UBE2D2: variants seen among roughly 807,000 people sequenced by gnomAD.
The protein encoded by UBE2D2 is ubiquitin-conjugating enzyme E2 D2.
In UBE2D2, 2 loss-of-function variants were observed where a neutral mutation model predicts 24.2. The ratio of observed to expected loss-of-function variants is 0.08; its 90% confidence interval spans 0.03 to 0.26. The LOEUF (loss-of-function observed/expected upper bound fraction) is 0.26, where lower values mean the gene tolerates loss of function less well. UBE2D2 is among the 10% of genes least tolerant of loss of function. The pLI, the probability that UBE2D2 is intolerant of heterozygous loss-of-function variation, is 1.00. For missense variants in UBE2D2, 44 were observed against 177.6 expected (o/e 0.25, Z 4.28); for synonymous variants, 58 against 56.5 (o/e 1.03, Z -0.12).
intron 1 of UBE2D2, among the ~76,000 whole-genome samples, chr5:139,592,951 G>A (rs1753874159): frequency 8.0e-6 from 1 of 124,508 alleles, no homozygotes; most frequent in Non-Finnish European, 1.6e-5. Flanking sequence ...AAGAGGTTCA[G>A]CTTAATTTCC....
chr5:139,530,219 C>A (rs1356773039), intron 1 of UBE2D2, among the ~76,000 whole-genome samples: 3 of 152,146 alleles, frequency 2.0e-5, no homozygotes, highest in Non-Finnish European at 4.4e-5. Flanking sequence ...CCCAGAATTC[C>A]ACCAGGACTG....
At chr5:139,599,875 C>G (rs1263279744) in intron 1 of UBE2D2, among the ~76,000 whole-genome samples, 1 of 152,002 alleles carries the variant, frequency 6.6e-6, no homozygotes, top group East Asian at 1.9e-4. Flanking sequence ...GCAATCTTGG[C>G]TTACTGCAAC....
chr5:139,542,216 G>T (rs974260445), intron 1 of UBE2D2, among the ~76,000 whole-genome samples: 1 of 152,098 alleles, frequency 6.6e-6, no homozygotes, highest in Admixed American at 6.6e-5. Flanking sequence ...GTGAATTCAC[G>T]AGTACCATTT....
At chr5:139,556,530 CAA>C (rs1172019147), upstream of UBE2D2, among the ~76,000 whole-genome samples, 1 of 151,746 alleles carries the variant, frequency 6.6e-6, no homozygotes, top group East Asian at 1.9e-4. Context: ...CAAATAAGGA[CAA>C]AATTTTGTTC....
intron 1 of UBE2D2, among the ~76,000 whole-genome samples, chr5:139,579,578 C>G (rs1336047890): frequency 6.6e-6 from 1 of 152,146 alleles, no homozygotes; most frequent in African/African-American, 2.4e-5. Context: ...GCATGAACAA[C>G]TGTGTCCAGC....
At chr5:139,615,227 G>A (rs1283584629) in intron 5 of UBE2D2, among the ~76,000 whole-genome samples, 1 of 152,200 alleles carries the variant, frequency 6.6e-6, no homozygotes, top group Admixed American at 6.5e-5. Flanking sequence ...GCTCATGCCT[G>A]TAATCTCAGC....
intron 1 of UBE2D2, among the ~76,000 whole-genome samples, chr5:139,571,400 C>T (rs1291603124): frequency 6.7e-6 from 1 of 149,122 alleles, no homozygotes; most frequent in Non-Finnish European, 1.5e-5. Flanking sequence ...GAGCAAGACT[C>T]CCTCTCAAAA....
At chr5:139,550,554 C>T (rs747438418) in intron 1 of UBE2D2, among the ~76,000 whole-genome samples, 4 of 152,124 alleles carry the variant, frequency 2.6e-5, no homozygotes, top group South Asian at 2.1e-4. Flanking sequence ...GGCTCAGGTT[C>T]TCTTCCACGC....
chr5:139,620,393 A>C (rs537569224), intron 5 of UBE2D2, among the ~76,000 whole-genome samples: 1 of 152,242 alleles, frequency 6.6e-6, no homozygotes, highest in Non-Finnish European at 1.5e-5. Flanking sequence ...TTAGAAGAAT[A>C]AGTTAAAGGA....
At position 139,534,257 on chromosome 5, in the gene UBE2D2, A is replaced by C. The variant is rs1244435938; in HGVS notation, c.-64+7645A>C. On this transcript the variant is annotated intron_variant, in intron 1 of 6. Coordinates refer to the UBE2D2 transcript ENST00000511725. Reference sequence around the variant, plus strand: ...AGACCAGCCTGACCAACATGGAGAAAACCGGTCTCTACTAAAAATGCAAAA... The same window carrying C: ...AGACCAGCCTGACCAACATGGAGAACACCGGTCTCTACTAAAAATGCAAAA... 3.3e-5 allele frequency among the ~76,000 whole-genome samples: 5 copies of C among 151,124 alleles called. No individual in the cohort carries two copies. In the East Asian group the frequency reaches 9.9e-4, roughly 30 times the overall value.
intron 1 of UBE2D2, among the ~76,000 whole-genome samples, chr5:139,569,432 T>G (rs904232926): frequency 2.0e-5 from 3 of 152,170 alleles, no homozygotes; most frequent in Non-Finnish European, 4.4e-5. Flanking sequence ...TTCTGTATAT[T>G]TCTCTTAAAA....
intron 1 of UBE2D2, among the ~76,000 whole-genome samples, chr5:139,536,306 T>A (rs969574575): frequency 2.0e-5 from 3 of 151,242 alleles, no homozygotes; most frequent in Non-Finnish European, 2.9e-5. Context: ...TCCACATTGG[T>A]CAGGCTGGTC....
intron 1 of UBE2D2, among the ~76,000 whole-genome samples, chr5:139,543,422 C>A (rs1752783260): frequency 6.6e-6 from 1 of 152,212 alleles, no homozygotes; most frequent in Non-Finnish European, 1.5e-5. Context: ...GCCATTCTGC[C>A]TTCCGTGGGC....
At chr5:139,578,434 T>TGTGTG (rs1753527141) in intron 1 of UBE2D2, among the ~76,000 whole-genome samples, 1 of 144,970 alleles carries the variant, frequency 6.9e-6, no homozygotes, top group South Asian at 2.2e-4. Flanking sequence ...GTTTTGTGTT[T>TGTGTG]TGTGTGTGTG....
intron 1 of UBE2D2, among the ~76,000 whole-genome samples, chr5:139,573,031 G>A (rs1301095169): frequency 2.0e-5 from 3 of 152,052 alleles, no homozygotes; most frequent in East Asian, 1.9e-4. Flanking sequence ...GCTGGGCGCG[G>A]TGGCTCATGC....
At chr5:139,556,309 G>A (rs1453292414), upstream of UBE2D2, among the ~76,000 whole-genome samples, 2 of 152,178 alleles carry the variant, frequency 1.3e-5, no homozygotes, top group African/African-American at 2.4e-5. Flanking sequence ...TACTTGGGAG[G>A]CTGAGGCAGA....
chr5:139,588,361 C>T (rs992960111), intron 1 of UBE2D2, among the ~76,000 whole-genome samples: 1 of 151,760 alleles, frequency 6.6e-6, no homozygotes, highest in Non-Finnish European at 1.5e-5. Context: ...CTGCAACCTC[C>T]GCCTCCCAGG....
At chr5:139,549,538 TGCTCTGC>T (rs1752878402) in intron 1 of UBE2D2, among the ~76,000 whole-genome samples, 1 of 152,228 alleles carries the variant, frequency 6.6e-6, no homozygotes, top group Non-Finnish European at 1.5e-5. Flanking sequence ...CAGGCCCACC[TGCTCTGC>T]GCTCAAATTC....
intron 1 of UBE2D2, among the ~76,000 whole-genome samples, chr5:139,587,103 C>T (rs1160841212): frequency 2.6e-5 from 4 of 152,066 alleles, no homozygotes; most frequent in Non-Finnish European, 5.9e-5. Flanking sequence ...ATGGAATCTT[C>T]GGCCATGCTG....
Sources: allele counts gnomAD v4.1 joint callset (sites outside exome capture counted in the v4.1 genomes callset), GRCh38; gene constraint gnomAD v4.1.1; transcripts MANE v1.5; gene names NCBI Gene and HGNC (gene_info 2026-07-23, HGNC 2026-07-21).